PTPRD: variants seen among roughly 807,000 people sequenced by gnomAD.
PTPRD encodes the protein receptor-type tyrosine-protein phosphatase delta.
A neutral mutation model predicts 214.5 loss-of-function variants in PTPRD; 34 were observed. That is an observed-to-expected ratio of 0.16 (90% confidence interval 0.12 to 0.21). The LOEUF (loss-of-function observed/expected upper bound fraction) is 0.21, where lower values mean the gene tolerates loss of function less well. Among genes scored for constraint, PTPRD ranks in the 10% least tolerant of loss-of-function variants. PTPRD has a pLI of 1.00. For missense variants in PTPRD, 2,545 were observed against 2,398.7 expected (o/e 1.06, Z -1.27); for synonymous variants, 1,128 against 845.7 (o/e 1.33, Z -5.79).
At chr9:9,194,701 C>T (rs997782679) in intron 9 of PTPRD, among the ~76,000 whole-genome samples, 4 of 152,120 alleles carry the variant, frequency 2.6e-5, no homozygotes, top group Non-Finnish European at 4.4e-5. Flanking sequence ...GGTTTAACTT[C>T]ACTTGTTGAA....
At chr9:9,056,216 T>C (rs573478323) in intron 10 of PTPRD, among the ~76,000 whole-genome samples, 1 of 152,306 alleles carries the variant, frequency 6.6e-6, no homozygotes, top group African/African-American at 2.4e-5. Flanking sequence ...GAGCTAACTT[T>C]ACAAGGAATA....
chr9:9,091,313 T>TAA, intron 10 of PTPRD: 1 of 997,484 alleles, frequency 1.0e-6, no homozygotes, highest in South Asian at 1.3e-5. Context: ...AATTGTACTT[T>TAA]AAAAAAAAAA....
intron 36 of PTPRD, among the ~76,000 whole-genome samples, chr9:8,392,749 C>G (rs146739895): frequency 6.6e-6 from 1 of 152,224 alleles, no homozygotes; most frequent in African/African-American, 2.4e-5. Flanking sequence ...CAGGTAAGTT[C>G]TCTCTCACAG....
intron 14 of PTPRD, among the ~76,000 whole-genome samples, chr9:8,592,206 T>G (rs1487149083): frequency 6.6e-6 from 1 of 152,278 alleles, no homozygotes; most frequent in East Asian, 1.9e-4. Context: ...CTCAATGCCC[T>G]CCTTCTAGCT....
chr9:8,348,977 G>C (rs940673843), intron 39 of PTPRD, among the ~76,000 whole-genome samples: 19 of 151,974 alleles, frequency 1.3e-4, no homozygotes, highest in African/African-American at 4.4e-4. Flanking sequence ...CAACAGCTTC[G>C]TTGTCTCTAC....
intron 8 of PTPRD, among the ~76,000 whole-genome samples, chr9:9,565,816 G>A (rs2084344967): frequency 6.6e-6 from 1 of 151,852 alleles, no homozygotes. Flanking sequence ...GGATTTTGAA[G>A]AATTTATATG....
At chr9:9,388,191 C>T (rs774104681) in intron 9 of PTPRD, among the ~76,000 whole-genome samples, 19 of 152,108 alleles carry the variant, frequency 1.2e-4, no homozygotes, top group Non-Finnish European at 2.4e-4. Context: ...TCTTGCTGTC[C>T]AGCAACTTCT....
At chr9:8,451,081 G>A (rs2095925099) in intron 33 of PTPRD, among the ~76,000 whole-genome samples, 2 of 152,184 alleles carry the variant, frequency 1.3e-5, no homozygotes, top group Admixed American at 6.5e-5. Context: ...GAGGGCTCCT[G>A]TTAAATAGCC....
chr9:8,460,268 T>C, intron 33 of PTPRD, 143 bp downstream of exon 33: 1 of 997,160 alleles, frequency 1.0e-6, no homozygotes, highest in Non-Finnish European at 1.6e-6. Context: ...CTTACTGTAA[T>C]GTAAACACTT....
At chr9:8,500,583 A>G (rs868753707) in intron 24 of PTPRD, among the ~76,000 whole-genome samples, 171 bp downstream of exon 24, 42 of 146,404 alleles carry the variant, frequency 2.9e-4, no homozygotes, top group African/African-American at 5.8e-4. Flanking sequence ...AAAAAAAAAA[A>G]AAAAAAAGGC....
intron 5 of PTPRD, among the ~76,000 whole-genome samples, 171 bp from the exon 6 acceptor site, chr9:9,767,022 A>G (rs2098712230): frequency 6.6e-6 from 1 of 151,884 alleles, no homozygotes; most frequent in South Asian, 2.1e-4. Flanking sequence ...TTTTAATTAA[A>G]GCACATTAAG....
intron 5 of PTPRD, among the ~76,000 whole-genome samples, chr9:9,772,738 A>G (rs2098762788): frequency 7.0e-6 from 1 of 143,232 alleles, no homozygotes; most frequent in African/African-American, 2.5e-5. Flanking sequence ...TTTTGATAGT[A>G]ATGAGCAGGT....
intron 2 of PTPRD, among the ~76,000 whole-genome samples, chr9:10,604,228 T>C (rs1195829554): frequency 2.0e-5 from 3 of 151,802 alleles, no homozygotes; most frequent in African/African-American, 7.2e-5. Context: ...CAGCAGCATT[T>C]GATTCACACC....
At chr9:9,580,316 C>T (rs1230520494) in intron 7 of PTPRD, among the ~76,000 whole-genome samples, 2 of 152,134 alleles carry the variant, frequency 1.3e-5, no homozygotes, top group Non-Finnish European at 2.9e-5. Flanking sequence ...TACTAATTTA[C>T]ATTCCCACCA....
At chr9:10,514,893 T>A (rs545666876) in intron 2 of PTPRD, among the ~76,000 whole-genome samples, 4 of 151,996 alleles carry the variant, frequency 2.6e-5, no homozygotes, top group East Asian at 3.9e-4. Flanking sequence ...AATTATTTTT[T>A]AAAAATGCAA....
chr9:10,116,460 A>G (rs1279198045), intron 3 of PTPRD, among the ~76,000 whole-genome samples: 1 of 152,144 alleles, frequency 6.6e-6, no homozygotes, highest in Non-Finnish European at 1.5e-5. Context: ...ATATTGCCAC[A>G]GATACCTTAA....
chr9:9,945,941 T>C (rs1401500480), intron 4 of PTPRD, among the ~76,000 whole-genome samples: 2 of 145,450 alleles, frequency 1.4e-5, no homozygotes, highest in South Asian at 2.2e-4. Flanking sequence ...AGAACTATTA[T>C]TGTAAAATTT....
chr9:10,086,274 C>T (rs953141259), intron 3 of PTPRD, among the ~76,000 whole-genome samples: 5 of 151,732 alleles, frequency 3.3e-5, no homozygotes, highest in African/African-American at 2.4e-5. Flanking sequence ...AAATAGTATA[C>T]GACTGATCCC....
rs2095353888 is a variant in PTPRD, at chr9:8,436,456, C to T, written c.4086+136G>A. ...TGCAGACACTTTTAAGTTGACGGTT[C>T]ATTATACATTTTTATATCATATTTG... On this transcript the variant is annotated intron_variant, in intron 35 of 45. Transcript: ENST00000381196. 6.4e-6 allele frequency: 4 copies of T among 623,784 alleles called. No homozygotes were observed. In the East Asian group the frequency reaches 1.1e-4, roughly 18 times the overall value. The allele number at this position is 623,784 out of a possible 1,614,324, so 38.6% of individuals were successfully genotyped here.
Sources: allele counts gnomAD v4.1 joint callset (sites outside exome capture counted in the v4.1 genomes callset), GRCh38; gene constraint gnomAD v4.1.1; transcripts MANE v1.5; gene names NCBI Gene and HGNC (gene_info 2026-07-23, HGNC 2026-07-21).